The following MAP2K5 variants were observed in gnomAD, a reference collection of about 807,000 sequenced individuals.
The protein encoded by MAP2K5 is mitogen-activated protein kinase kinase 5.
In MAP2K5, 49 loss-of-function variants were observed where a neutral mutation model predicts 83.1. That is an observed-to-expected ratio of 0.59 (90% CI 0.47 to 0.75). MAP2K5 has a LOEUF of 0.75. MAP2K5 is among the 30% of genes least tolerant of loss of function. MAP2K5 has a pLI of 0.00. For missense variants in MAP2K5, 457 were observed against 557.5 expected (o/e 0.82, Z 1.82); for synonymous variants, 202 against 191.8 (o/e 1.05, Z -0.44).
intron 8 of MAP2K5, among the ~76,000 whole-genome samples, chr15:67,604,492 G>T (rs1019401637): frequency 3.3e-5 from 5 of 152,156 alleles, no homozygotes; most frequent in Non-Finnish European, 7.4e-5. Flanking sequence ...TTAAGTGTGA[G>T]GGCTCTAAGT....
Position 67,587,345 on chromosome 15 carries a change from A to G in MAP2K5, c.431+432A>G, listed in dbSNP as rs763478767. Among the ~76,000 whole-genome samples the G allele has an allele frequency of 6.6e-6, 1 of 152,110 alleles. No individual in the cohort carries two copies. Among genetic ancestry groups the G allele is most frequent in the Non-Finnish European group, 1.5e-5 (1 of 68,010 alleles). ...CATGCGGGGCCTCGTAGGCCCTGTA[A>G]TGTTTGAATTTTCCTTTTGGTGCAC... On this transcript the variant is annotated intron_variant, in intron 6 of 21. Transcript: ENST00000178640. This position sits in a 1 kb window ranked among gnomAD's most constrained non-coding sequence, Gnocchi z 4.8.
chr15:67,705,649 T>G (rs1275041386), intron 16 of MAP2K5, among the ~76,000 whole-genome samples: 2 of 151,818 alleles, frequency 1.3e-5, no homozygotes, highest in Non-Finnish European at 2.9e-5. Flanking sequence ...GGCAGGAGAA[T>G]CACTTGAACC....
chr15:67,664,897 G>A (rs1191269222), intron 13 of MAP2K5, among the ~76,000 whole-genome samples: 5 of 152,098 alleles, frequency 3.3e-5, no homozygotes, highest in Non-Finnish European at 5.9e-5. Flanking sequence ...CATAGTATTT[G>A]AAAATAACAG....
chr15:67,550,170 C>A, intron 2 of MAP2K5, 88 bp downstream of exon 2: 2 of 948,388 alleles, frequency 2.1e-6, no homozygotes, highest in African/African-American at 1.6e-5. Flanking sequence ...TAGAAACTGA[C>A]AAAAACAGAT....
At chr15:67,729,372 A>G (rs927911806) in intron 17 of MAP2K5, among the ~76,000 whole-genome samples, 1 of 152,222 alleles carries the variant, frequency 6.6e-6, no homozygotes, top group Non-Finnish European at 1.5e-5. Flanking sequence ...CTTATAAGCC[A>G]TCCAGTAAAA....
intron 17 of MAP2K5, among the ~76,000 whole-genome samples, chr15:67,733,845 G>C (rs1453976303): frequency 1.3e-5 from 2 of 152,322 alleles, no homozygotes; most frequent in East Asian, 3.9e-4. Context: ...GTTCAGAAAT[G>C]AAAATATCCT....
At position 67,692,497 on chromosome 15, in the gene MAP2K5, T is replaced by C. The variant is rs777569006; in HGVS notation, c.866T>C (p.Met289Thr). The change falls in exon 14 of 22, where the codon ATG (methionine) becomes ACG (threonine). Residue 289 changes from methionine to threonine, a missense_variant. By Grantham distance (81) the Met-to-Thr change is moderately conservative. Transcript: ENST00000178640. ...TTTTTAGACGTGAAGCCCTCCAATA[T>C]GCTAGTAAACACAAGAGGACAGGTT... ...ILHRDVKPSN[M>T]LVNTRGQVKL... 3.7e-6 allele frequency: 6 copies of C among 1,613,454 alleles called. No individual in the cohort carries two copies. Among genetic ancestry groups the C allele is most frequent in the South Asian group, 1.1e-5 (1 of 91,068 alleles).
chr15:67,678,031 C>G (rs1207365275), intron 13 of MAP2K5, among the ~76,000 whole-genome samples: 1 of 152,124 alleles, frequency 6.6e-6, no homozygotes, highest in African/African-American at 2.4e-5. Context: ...ATTAGAATAA[C>G]TTTTATATTG....
chr15:67,758,468 C>T lies in MAP2K5; in HGVS notation c.1134+9867C>T, dbSNP rs1024503052. 1.3e-5 allele frequency among the ~76,000 whole-genome samples: 2 copies of T among 152,096 alleles called. No individual in the cohort carries two copies. Among genetic ancestry groups the T allele is most frequent in the African/African-American group, 2.4e-5 (1 of 41,414 alleles). ...ACCTCATTCAAAACTATATTCATTC[C>T]TGCTCCAGATTCAATTATGAGTTTA... On this transcript the variant is annotated intron_variant, in intron 19 of 21. Coordinates refer to ENST00000178640, the MANE Select transcript of MAP2K5 (RefSeq NM_145160.3). This position sits in a 1 kb window ranked among gnomAD's most constrained non-coding sequence, Gnocchi z 4.7.
In MAP2K5 at chr15:67,573,630, G is replaced by A. The variant is rs946713107; in HGVS notation, c.253-7124G>A. ...AAATGAGGCTGCGACCTGCTGGGCCGCAGCCCCAGGAAGTCAGGCATTCTT... is the reference window on the plus strand; with the variant it reads ...AAATGAGGCTGCGACCTGCTGGGCCACAGCCCCAGGAAGTCAGGCATTCTT... On this transcript the variant is annotated intron_variant, in intron 3 of 21. Coordinates refer to ENST00000178640, the MANE Select transcript of MAP2K5 (RefSeq NM_145160.3). This position sits in a 1 kb window ranked among gnomAD's most constrained non-coding sequence, Gnocchi z 4.2. Among the ~76,000 whole-genome samples the A allele has an allele frequency of 1.3e-5, 2 of 152,072 alleles. No individual in the cohort carries two copies. The highest frequency in any genetic ancestry group is 4.8e-5 in the African/African-American group (2 of 41,398).
rs1024714447 is a variant in MAP2K5, at chr15:67,777,468, C to T, written c.1242+4716C>T. On this transcript the variant is annotated intron_variant, in intron 21 of 21. Transcript: ENST00000178640. The surrounding 1 kb of genome is among the most constrained non-coding windows in gnomAD (Gnocchi z 6.0). ...GCTGGCTAATACTTTATCTAGGCCA[C>T]TTTATTATCTCATGCTGATCTGATT... 2.6e-5 allele frequency among the ~76,000 whole-genome samples: 4 copies of T among 152,202 alleles called. No individual in the cohort carries two copies. The highest frequency in any genetic ancestry group is 9.7e-5 in the African/African-American group (4 of 41,444).
In MAP2K5 at chr15:67,768,588, A is replaced by C. The variant is rs1219038126; in HGVS notation, c.1135-1014A>C. The stretch of plus-strand genomic sequence containing the variant: ...TTCCTTTGTTAATTTAAATAGGTGC[A>C]TGTATCATACTTTGCAGGGCACTTT... On this transcript the variant is annotated intron_variant, in intron 19 of 21. Transcript: ENST00000178640. The surrounding 1 kb of genome is among the most constrained non-coding windows in gnomAD (Gnocchi z 4.0). 1.3e-5 allele frequency among the ~76,000 whole-genome samples: 2 copies of C among 152,214 alleles called. No homozygotes were observed. Among genetic ancestry groups the C allele is most frequent in the African/African-American group, 4.8e-5 (2 of 41,448 alleles).
At position 67,774,167 on chromosome 15, in the gene MAP2K5, A is replaced by ATGTGTG. The variant is rs10529511; in HGVS notation, c.1242+1446_1242+1451dup. Reference sequence around the variant, plus strand: ...CCTTGAAAGCAAGTGATGTGTGTGTATGTGTGTGTGTGTGTGTGTGTGTGT... The same window carrying ATGTGTG: ...CCTTGAAAGCAAGTGATGTGTGTGTATGTGTGTGTGTGTGTGTGTGTGTGTGTGTGT... On this transcript the variant is annotated intron_variant, in intron 21 of 21. Transcript: ENST00000178640. The surrounding 1 kb of genome is among the most constrained non-coding windows in gnomAD (Gnocchi z 4.9). Among the ~76,000 whole-genome samples the ATGTGTG allele has an allele frequency of 6.7e-6, 1 of 149,566 alleles. No individual in the cohort carries two copies. The highest frequency in any genetic ancestry group is 2.5e-5 in the African/African-American group (1 of 40,510).
At chr15:67,662,506 C>T (rs1286912902) in intron 12 of MAP2K5, among the ~76,000 whole-genome samples, 6 of 152,138 alleles carry the variant, frequency 3.9e-5, no homozygotes, top group African/African-American at 9.7e-5. Flanking sequence ...TTCAGTGTAT[C>T]TGGTGTCTAA....
intron 13 of MAP2K5, among the ~76,000 whole-genome samples, chr15:67,671,261 A>T (rs2087527455): frequency 6.6e-6 from 1 of 152,198 alleles, no homozygotes; most frequent in Non-Finnish European, 1.5e-5. Context: ...AAGGGAGGGG[A>T]GAATTTCCAA....
chr15:67,637,656 G>A lies in MAP2K5; in HGVS notation c.585+6729G>A, dbSNP rs1467532358. On this transcript the variant is annotated intron_variant, in intron 9 of 21. Transcript: ENST00000178640. The surrounding 1 kb of genome is among the most constrained non-coding windows in gnomAD (Gnocchi z 4.5). ...AGGACCCCCTCGGCAGACCTCTGGAGCTCTCTCCCTCAGGTCCTCTGCCAG... is the reference window on the plus strand; with the variant it reads ...AGGACCCCCTCGGCAGACCTCTGGAACTCTCTCCCTCAGGTCCTCTGCCAG... Among the ~76,000 whole-genome samples, 1 of 152,146 alleles carries A rather than the reference G, an allele frequency of 6.6e-6. No homozygotes were observed. The highest frequency in any genetic ancestry group is 1.5e-5 in the Non-Finnish European group (1 of 68,020).
chr15:67,575,382 C>T (rs915785871), intron 3 of MAP2K5, among the ~76,000 whole-genome samples: 1 of 151,090 alleles, frequency 6.6e-6, no homozygotes, highest in Non-Finnish European at 1.5e-5. Context: ...CGGGGGAGGG[C>T]AGTGGGGGAG....
chr15:67,721,110 AC>A (rs2088950673), intron 16 of MAP2K5, among the ~76,000 whole-genome samples: 2 of 152,072 alleles, frequency 1.3e-5, no homozygotes, highest in African/African-American at 4.8e-5. Context: ...TTTTTTAAAA[AC>A]GTACTCTGTT....
In MAP2K5 at chr15:67,640,349, C is replaced by G. The variant is rs549574544; in HGVS notation, c.586-5882C>G. Among the ~76,000 whole-genome samples the G allele has an allele frequency of 7.2e-5, 11 of 152,314 alleles. No individual in the cohort carries two copies. In the East Asian group the frequency reaches 1.7e-3, roughly 24 times the overall value. On this transcript the variant is annotated intron_variant, in intron 9 of 21. Transcript: ENST00000178640. The surrounding 1 kb of genome is among the most constrained non-coding windows in gnomAD (Gnocchi z 4.6). ...CTTTATATGGACCATTGCTCTCACCCAGAATATTTCTTAGCTTTTTTTATA... is the reference window on the plus strand; with the variant it reads ...CTTTATATGGACCATTGCTCTCACCGAGAATATTTCTTAGCTTTTTTTATA...
Sources: gnomAD v4.1 joint callset for allele counts (sites outside exome capture counted in the v4.1 genomes callset) on GRCh38, gnomAD v4.1.1 for gene constraint, Gnocchi (gnomAD v3.1) non-coding constraint, MANE v1.5 for transcripts, NCBI Gene and HGNC (gene_info 2026-07-23, HGNC 2026-07-21) for gene names.